RSF1: variants seen among roughly 807,000 people sequenced by gnomAD.
RSF1 encodes the protein remodeling and spacing factor 1.
RSF1 carries 13 observed loss-of-function variants against 145.2 expected under a neutral mutation model. The observed-to-expected ratio is 0.09, with a 90% CI of 0.06 to 0.14. RSF1 has a LOEUF of 0.14. Among genes scored for constraint, RSF1 ranks in the 10% least tolerant of loss-of-function variants. RSF1 has a pLI of 1.00. For synonymous variants in RSF1, 577 were observed against 592.6 expected, an observed-to-expected ratio of 0.97 and a Z score of 0.38; for missense variants, 1,517 against 1,718.2, an observed-to-expected ratio of 0.88 and a Z score of 2.07.
intron 2 of RSF1, among the ~76,000 whole-genome samples, chr11:77,752,939 T>A (rs868100373): frequency 6.6e-6 from 1 of 152,160 alleles, no homozygotes; most frequent in Admixed American, 6.5e-5. Flanking sequence ...TTGTCCTCAC[T>A]GCTACATTCC....
At chr11:77,794,310 C>A (rs180732674) in intron 1 of RSF1, among the ~76,000 whole-genome samples, 4 of 152,238 alleles carry the variant, frequency 2.6e-5, no homozygotes, top group Admixed American at 1.3e-4. Flanking sequence ...TTTAAGAAAT[C>A]GAAATCATCT....
At chr11:77,800,320 C>T (rs569243902) in intron 1 of RSF1, among the ~76,000 whole-genome samples, 1 of 151,522 alleles carries the variant, frequency 6.6e-6, no homozygotes, top group East Asian at 2.0e-4. Flanking sequence ...GGTGAAACCC[C>T]GCCTCTACTA....
At chr11:77,728,658 AAG>A (rs953974742) in intron 4 of RSF1, among the ~76,000 whole-genome samples, 8 of 152,118 alleles carry the variant, frequency 5.3e-5, no homozygotes, top group Admixed American at 5.2e-4. Flanking sequence ...AAGGGAAAGA[AAG>A]AGGCCACACA....
chr11:77,720,785 C>CT (rs1412711691), intron 5 of RSF1, among the ~76,000 whole-genome samples: 1 of 152,188 alleles, frequency 6.6e-6, no homozygotes, highest in African/African-American at 2.4e-5. Flanking sequence ...TCTAGATGAT[C>CT]TGGAACCAGT....
the RSF1 span, among the ~76,000 whole-genome samples, chr11:77,826,266 G>C: frequency 6.6e-6 from 1 of 151,886 alleles, no homozygotes; most frequent in Non-Finnish European, 1.5e-5. Flanking sequence ...GGAGGCTGAG[G>C]CAGGAGAATC....
At chr11:77,845,447 G>A in the RSF1 span, among the ~76,000 whole-genome samples, 1 of 151,046 alleles carries the variant, frequency 6.6e-6, no homozygotes, top group Admixed American at 6.6e-5. Context: ...TTTTTGGTGG[G>A]GGGGATAGAC....
upstream of RSF1, among the ~76,000 whole-genome samples, chr11:77,825,698 G>GTT (rs1250441260): frequency 3.6e-5 from 5 of 139,312 alleles, no homozygotes; most frequent in African/African-American, 5.2e-5. Flanking sequence ...CATTTTTTTT[G>GTT]TTTTTTTTTT....
intron 1 of RSF1, among the ~76,000 whole-genome samples, chr11:77,783,838 T>C (rs1383319728): frequency 1.3e-5 from 2 of 151,720 alleles, no homozygotes; most frequent in Non-Finnish European, 2.9e-5. Context: ...CAAGACCCGA[T>C]TTCAAAAAAA....
chr11:77,737,621 G>GT (rs1554991241), intron 4 of RSF1, among the ~76,000 whole-genome samples: 8,805 of 93,226 alleles, frequency 0.094, 350 homozygotes, highest in African/African-American at 0.11. Flanking sequence ...TGTTTTGGGG[G>GT]GTGTGTGTGT....
chr11:77,692,687 T>G (rs1297925206), intron 8 of RSF1, among the ~76,000 whole-genome samples: 3 of 151,046 alleles, frequency 2.0e-5, no homozygotes. Context: ...CGGTGTTTTT[T>G]TTTTTTTTTG....
At chr11:77,771,087 T>A (rs1443173927) in intron 1 of RSF1, among the ~76,000 whole-genome samples, 2 of 152,056 alleles carry the variant, frequency 1.3e-5, no homozygotes, top group Admixed American at 6.6e-5. Context: ...TAGAGAGGAA[T>A]AAGGGGGGAA....
At chr11:77,734,580 C>T in intron 4 of RSF1, 2 of 1,536,144 alleles carry the variant, frequency 1.3e-6, no homozygotes. Context: ...CATGGTCATC[C>T]AATTCTTTGA....
At chr11:77,759,285 A>G (rs1948146859) in intron 2 of RSF1, among the ~76,000 whole-genome samples, 1 of 151,834 alleles carries the variant, frequency 6.6e-6, no homozygotes, top group Non-Finnish European at 1.5e-5. Context: ...CCAAGGCAGG[A>G]GGATCACTTG....
At chr11:77,771,933 T>C (rs1037034754) in intron 1 of RSF1, among the ~76,000 whole-genome samples, 5 of 152,074 alleles carry the variant, frequency 3.3e-5, no homozygotes, top group South Asian at 4.1e-4. Context: ...TGAAGGAAAA[T>C]TGCAAAAATT....
At chr11:77,772,552 C>G (rs1022787261) in intron 1 of RSF1, among the ~76,000 whole-genome samples, 1 of 151,960 alleles carries the variant, frequency 6.6e-6, no homozygotes, top group Admixed American at 6.6e-5. Flanking sequence ...TATTATATTA[C>G]TAAAAACTAT....
chr11:77,802,332 G>A, intron 1 of RSF1, among the ~76,000 whole-genome samples: 1 of 152,162 alleles, frequency 6.6e-6, no homozygotes, highest in East Asian at 1.9e-4. Flanking sequence ...AAAGTGGGAA[G>A]GCAGTCTTGT....
At chr11:77,813,062 T>C (rs2135989471) in intron 1 of RSF1, among the ~76,000 whole-genome samples, 1 of 152,006 alleles carries the variant, frequency 6.6e-6, no homozygotes, top group East Asian at 1.9e-4. Flanking sequence ...CACTGCAAAT[T>C]CCCCACCACC....
At chr11:77,810,331 G>A (rs1273651056) in intron 1 of RSF1, among the ~76,000 whole-genome samples, 1 of 152,130 alleles carries the variant, frequency 6.6e-6, no homozygotes, top group African/African-American at 2.4e-5. Flanking sequence ...ATGACAATTA[G>A]GCAGAGGTAG....
At chr11:77,795,315 T>C (rs1948561561) in intron 1 of RSF1, among the ~76,000 whole-genome samples, 1 of 152,066 alleles carries the variant, frequency 6.6e-6, no homozygotes, top group South Asian at 2.1e-4. Context: ...AATACTAAGA[T>C]CAGTTTTCAT....
Sources: allele counts gnomAD v4.1 joint callset (sites outside exome capture counted in the v4.1 genomes callset), GRCh38; gene constraint gnomAD v4.1.1; transcripts MANE v1.5; gene names NCBI Gene and HGNC (gene_info 2026-07-23, HGNC 2026-07-21).